The following TMEM117 variants were observed in gnomAD, a reference collection of about 807,000 sequenced individuals.
The protein encoded by TMEM117 is transmembrane protein 117.
A neutral mutation model predicts 52.4 loss-of-function variants in TMEM117; 27 were observed. The ratio of observed to expected loss-of-function variants is 0.51; its 90% CI spans 0.38 to 0.71. The LOEUF (loss-of-function observed/expected upper bound fraction) is 0.71, where lower values mean the gene tolerates loss of function less well. Ranked by LOEUF, TMEM117 falls within the 30% of genes least tolerant of loss-of-function variation. TMEM117 has a pLI of 0.00. For synonymous variants in TMEM117, 215 were observed against 206.3 expected (o/e 1.04, Z -0.36); for missense variants, 556 against 630.5 (o/e 0.88, Z 1.26).
At chr12:43,980,737 G>A (rs1945747042) in intron 3 of TMEM117, among the ~76,000 whole-genome samples, 1 of 152,164 alleles carries the variant, frequency 6.6e-6, no homozygotes, top group Non-Finnish European at 1.5e-5. Flanking sequence ...AGCAACAGAT[G>A]AAAGAAGTAC....
intron 5 of TMEM117, among the ~76,000 whole-genome samples, chr12:44,225,434 T>A (rs574442321): frequency 6.6e-6 from 1 of 152,300 alleles, no homozygotes; most frequent in African/African-American, 2.4e-5. Context: ...GAACAGCATG[T>A]TGCCAAGGTT....
At chr12:44,121,706 T>A (rs1358837208) in intron 3 of TMEM117, among the ~76,000 whole-genome samples, 1 of 152,198 alleles carries the variant, frequency 6.6e-6, no homozygotes, top group Non-Finnish European at 1.5e-5. Context: ...TTTTTCTCTT[T>A]CCAATTTTTA....
At chr12:44,032,148 A>G (rs528049245) in intron 3 of TMEM117, among the ~76,000 whole-genome samples, 5 of 152,348 alleles carry the variant, frequency 3.3e-5, no homozygotes, top group Non-Finnish European at 7.3e-5. Context: ...GATTGCTTCT[A>G]TGGAACAGAG....
chr12:44,007,687 G>A (rs567904826), intron 3 of TMEM117, among the ~76,000 whole-genome samples: 1 of 152,242 alleles, frequency 6.6e-6, no homozygotes, highest in East Asian at 1.9e-4. Context: ...CCCATGTGTA[G>A]TGGGAGGGAC....
chr12:44,135,927 C>G (rs527383500), intron 3 of TMEM117, among the ~76,000 whole-genome samples: 1 of 152,268 alleles, frequency 6.6e-6, no homozygotes, highest in South Asian at 2.1e-4. Flanking sequence ...TGAACAGCAT[C>G]AAAATCTTTG....
chr12:43,954,104 A>G (rs1182170946), intron 3 of TMEM117, among the ~76,000 whole-genome samples: 5 of 152,234 alleles, frequency 3.3e-5, no homozygotes, highest in African/African-American at 7.2e-5. Flanking sequence ...GTTTGAAACC[A>G]AAAAGAGCAA....
chr12:44,245,583 G>GTTT, intron 5 of TMEM117, among the ~76,000 whole-genome samples: 1 of 142,698 alleles, frequency 7.0e-6, no homozygotes. Context: ...CAGTTCTAAC[G>GTTT]TTTTTTTTTT....
At chr12:44,218,254 A>G (rs1949744942) in intron 5 of TMEM117, among the ~76,000 whole-genome samples, 2 of 152,118 alleles carry the variant, frequency 1.3e-5, no homozygotes, top group Admixed American at 1.3e-4. Flanking sequence ...CTAGCAAACC[A>G]ACTTCAACAG....
chr12:44,073,004 C>A (rs530404974), intron 3 of TMEM117, among the ~76,000 whole-genome samples: 2 of 151,832 alleles, frequency 1.3e-5, no homozygotes, highest in Non-Finnish European at 2.9e-5. Context: ...GCAGGAGAAT[C>A]GTTTGAACCC....
intron 5 of TMEM117, among the ~76,000 whole-genome samples, chr12:44,280,002 C>T (rs936050470): frequency 6.6e-6 from 1 of 152,140 alleles, no homozygotes; most frequent in African/African-American, 2.4e-5. Flanking sequence ...TCTGGCTACA[C>T]CTTACTAGTC....
At chr12:44,316,465 G>T (rs558148129) in intron 6 of TMEM117, among the ~76,000 whole-genome samples, 1 of 152,084 alleles carries the variant, frequency 6.6e-6, no homozygotes, top group Admixed American at 6.5e-5. Flanking sequence ...AAATTGATGG[G>T]ATTCCATTTG....
intron 5 of TMEM117, among the ~76,000 whole-genome samples, chr12:44,213,477 G>A (rs1451398149): frequency 1.3e-5 from 2 of 152,142 alleles, no homozygotes; most frequent in Non-Finnish European, 2.9e-5. Flanking sequence ...TTTATGGATG[G>A]TCTCTCTTAA....
intron 3 of TMEM117, among the ~76,000 whole-genome samples, chr12:44,103,037 A>C (rs1947890212): frequency 1.3e-5 from 2 of 152,082 alleles, no homozygotes; most frequent in African/African-American, 4.8e-5. Context: ...ACTGGGAGTC[A>C]ATTAAACCTC....
At chr12:43,971,662 A>G (rs992755675) in intron 3 of TMEM117, among the ~76,000 whole-genome samples, 3 of 152,212 alleles carry the variant, frequency 2.0e-5, no homozygotes, top group African/African-American at 4.8e-5. Flanking sequence ...GTGTGTTCAC[A>G]TGGAACCATG....
intron 4 of TMEM117, among the ~76,000 whole-genome samples, chr12:44,188,944 A>G (rs1949315374): frequency 6.6e-6 from 1 of 152,170 alleles, no homozygotes; most frequent in African/African-American, 2.4e-5. Flanking sequence ...TTGGTACATA[A>G]TAGATGTACA....
chr12:44,223,140 A>G (rs1265911411), intron 5 of TMEM117, among the ~76,000 whole-genome samples: 1 of 151,634 alleles, frequency 6.6e-6, no homozygotes, highest in African/African-American at 2.4e-5. Context: ...AGATTATTTC[A>G]GTCACCTAGG....
intron 5 of TMEM117, among the ~76,000 whole-genome samples, chr12:44,221,160 T>C (rs1949783271): frequency 6.6e-6 from 1 of 152,180 alleles, no homozygotes; most frequent in Non-Finnish European, 1.5e-5. Context: ...GTCATGTTGA[T>C]AGAATGTAGG....
intron 6 of TMEM117, among the ~76,000 whole-genome samples, chr12:44,309,348 G>A (rs961886115): frequency 6.6e-5 from 10 of 152,138 alleles, no homozygotes; most frequent in African/African-American, 2.4e-4. Flanking sequence ...TCTAAGTCAA[G>A]GTTTATTAAC....
upstream of TMEM117, among the ~76,000 whole-genome samples, chr12:43,831,881 T>G (rs1288487500): frequency 6.6e-6 from 1 of 152,152 alleles, no homozygotes; most frequent in Non-Finnish European, 1.5e-5. Context: ...GATCAGATTT[T>G]ACAAAGGAAT....
Sources: allele counts gnomAD v4.1 joint callset (sites outside exome capture counted in the v4.1 genomes callset), GRCh38; gene constraint gnomAD v4.1.1; transcripts MANE v1.5; gene names NCBI Gene and HGNC (gene_info 2026-07-23, HGNC 2026-07-21).